The following ISM1 variants were observed in gnomAD, a reference collection of about 807,000 sequenced individuals.
The protein encoded by ISM1 is isthmin-1.
ISM1 carries 25 observed loss-of-function variants against 46.3 expected under a neutral mutation model. The ratio of observed to expected loss-of-function variants is 0.54; its 90% confidence interval spans 0.39 to 0.75. ISM1 has a LOEUF of 0.75. ISM1 is among the 30% of genes least tolerant of loss of function. ISM1 has a pLI of 0.00. For synonymous variants in ISM1, 255 were observed against 256.7 expected (o/e 0.99, Z 0.06); for missense variants, 536 against 625.4 (o/e 0.86, Z 1.52).
chr20:13,253,764 GT>G (rs2039893157), intron 1 of ISM1, among the ~76,000 whole-genome samples: 2 of 151,756 alleles, frequency 1.3e-5, no homozygotes, highest in African/African-American at 4.8e-5. Flanking sequence ...ATCATTATCA[GT>G]TTTTCTGTGA....
chr20:13,299,055 G>A lies in ISM1; in HGVS notation c.991G>A (p.Ala331Thr), dbSNP rs1351708680. The A allele has an allele frequency of 3.7e-6, 6 of 1,613,838 alleles. No individual in the cohort carries two copies. Among genetic ancestry groups the A allele is most frequent in the East Asian group, 2.2e-5 (1 of 44,880 alleles). The change falls in exon 6 of 6, where the codon GCC becomes ACC. Residue 331 changes from alanine (A) to threonine (T), a missense_variant. Physicochemically the swap from Ala to Thr is moderately conservative, Grantham distance 58. This residue lies in a region of ISM1 where 169 missense variants were observed against 249.3 expected (regional missense o/e 0.68). Transcript: ENST00000262487. This position sits in a 1 kb window ranked among gnomAD's most constrained non-coding sequence, Gnocchi z 5.8. ...CCCCTGCTCCTACCCCACTGAGGTG[G>A]CCTACAGCACGGCCGACATCTTCGA... ...SCPCSYPTEV[A>T]YSTADIFDRI... is the part of the protein sequence containing the mutation.
the ISM1 span, among the ~76,000 whole-genome samples, chr20:13,319,628 A>G: frequency 6.6e-6 from 1 of 152,250 alleles, no homozygotes; most frequent in Non-Finnish European, 1.5e-5. Context: ...ACAAACAACA[A>G]AAAGGATTGG....
chr20:13,325,751 T>C, the ISM1 span, among the ~76,000 whole-genome samples: 1 of 152,240 alleles, frequency 6.6e-6, no homozygotes, highest in African/African-American at 2.4e-5. Flanking sequence ...TGAACCTGAT[T>C]TTTCTTACAT....
intron 1 of ISM1, among the ~76,000 whole-genome samples, chr20:13,260,472 T>G (rs942270905): frequency 1.3e-5 from 2 of 152,210 alleles, no homozygotes; most frequent in African/African-American, 2.4e-5. Flanking sequence ...GGTAGAAGGA[T>G]AGAGAGAAAG....
chr20:13,304,034 A>G (rs1038225872), downstream of ISM1, among the ~76,000 whole-genome samples: 22 of 152,220 alleles, frequency 1.4e-4, no homozygotes, highest in African/African-American at 4.8e-4. Flanking sequence ...TGGCTCTGCC[A>G]CCATCAAGGT....
At chr20:13,224,647 C>T (rs2039493061) in intron 1 of ISM1, among the ~76,000 whole-genome samples, 1 of 151,898 alleles carries the variant, frequency 6.6e-6, no homozygotes, top group South Asian at 2.1e-4. Context: ...CAGAAATATG[C>T]AATGGTGAGT....
chr20:13,221,805 T>G lies in ISM1; in HGVS notation c.29T>G (p.Leu10Arg). ...GTGCGCCTGGCGGCCGAGCTGCTGC[T>G]GCTGCTGGGGCTGCTGCTGCTCACG... MVRLAAELL[L>R]LLGLLLLTLH... Residue 10 changes from leucine to arginine, a missense_variant, in exon 1 of 6, where the codon CTG (leucine) becomes CGG (arginine). By Grantham distance (102) the Leu-to-Arg change is moderately radical. This residue lies in a region of ISM1 where 367 missense variants were observed against 376.1 expected (regional missense o/e 0.98). Coordinates refer to ENST00000262487, the MANE Select transcript of ISM1 (RefSeq NM_080826.2). The G allele has an allele frequency of 6.9e-7, 1 of 1,455,868 alleles. No individual in the cohort carries two copies. Among genetic ancestry groups the G allele is most frequent in the South Asian group, 1.3e-5 (1 of 75,040 alleles). 90.2% of individuals were successfully genotyped at this position (1,455,868 alleles called of 1,614,324 possible). A position where few individuals can be genotyped will look rare whatever the true frequency, so the allele number is the denominator to read the frequency against.
chr20:13,264,501 G>A (rs551594121), intron 1 of ISM1, among the ~76,000 whole-genome samples: 1 of 152,220 alleles, frequency 6.6e-6, no homozygotes, highest in East Asian at 1.9e-4. Context: ...TCCTCCTATT[G>A]TAGTGCTCAT....
At chr20:13,294,500 A>G (rs1230943546) in intron 5 of ISM1, among the ~76,000 whole-genome samples, 1 of 152,218 alleles carries the variant, frequency 6.6e-6, no homozygotes, top group Non-Finnish European at 1.5e-5. Context: ...GGCAGCATCT[A>G]GCTGCTTTGC....
intron 1 of ISM1, among the ~76,000 whole-genome samples, chr20:13,256,739 T>G (rs1177587965): frequency 6.6e-6 from 1 of 152,184 alleles, no homozygotes; most frequent in African/African-American, 2.4e-5. Flanking sequence ...ACACCCCTAG[T>G]AAGTATGAGC....
intron 1 of ISM1, among the ~76,000 whole-genome samples, chr20:13,240,393 C>T (rs1349846250): frequency 6.6e-6 from 1 of 152,162 alleles, no homozygotes; most frequent in Non-Finnish European, 1.5e-5. Context: ...AAAAGTGACA[C>T]TTGAGTCCTG....
chr20:13,247,842 G>T (rs1443316679), intron 1 of ISM1, among the ~76,000 whole-genome samples: 1 of 152,138 alleles, frequency 6.6e-6, no homozygotes, highest in Non-Finnish European at 1.5e-5. Context: ...GTAGGATCTT[G>T]GTTTCTCTTT....
At chr20:13,293,540 T>C (rs1238395888) in intron 5 of ISM1, among the ~76,000 whole-genome samples, 1 of 152,070 alleles carries the variant, frequency 6.6e-6, no homozygotes, top group African/African-American at 2.4e-5. Flanking sequence ...TGGGAGCTAA[T>C]TTGGTGAACA....
intron 3 of ISM1, among the ~76,000 whole-genome samples, chr20:13,284,931 G>C (rs1304635040): frequency 1.3e-5 from 2 of 152,216 alleles, no homozygotes; most frequent in African/African-American, 2.4e-5. Context: ...CAGCTGTCTA[G>C]AGAGTATATT....
intron 1 of ISM1, among the ~76,000 whole-genome samples, chr20:13,225,278 T>C (rs1209830848): frequency 6.6e-6 from 1 of 152,196 alleles, no homozygotes; most frequent in Non-Finnish European, 1.5e-5. Context: ...CTTCTTCATT[T>C]ATTTTCGTTA....
At chr20:13,278,375 G>A (rs1172055394) in intron 2 of ISM1, among the ~76,000 whole-genome samples, 1 of 152,184 alleles carries the variant, frequency 6.6e-6, no homozygotes, top group Admixed American at 6.5e-5. Flanking sequence ...TGGGGTGAGT[G>A]AAAATTGTAG....
intron 2 of ISM1, among the ~76,000 whole-genome samples, chr20:13,274,922 A>G (rs1234398903): frequency 6.6e-6 from 1 of 152,178 alleles, no homozygotes; most frequent in Non-Finnish European, 1.5e-5. Context: ...TTAAAACAAT[A>G]TAAGAGGTTG....
intron 1 of ISM1, among the ~76,000 whole-genome samples, chr20:13,222,186 G>A (rs2039458604): frequency 6.6e-6 from 1 of 152,138 alleles, no homozygotes; most frequent in Non-Finnish European, 1.5e-5. Context: ...TGGGGAGGTG[G>A]GAAGGAGCGA....
the ISM1 span, among the ~76,000 whole-genome samples, chr20:13,321,253 T>TAAAAAAAAAAAAAAA: frequency 1.7e-3 from 100 of 57,514 alleles, 7 homozygotes; most frequent in Non-Finnish European, 2.4e-3. Flanking sequence ...GTGCCCCACA[T>TAAAAAAAAAAAAAAA]AAAAAAAAAA....
Sources: gnomAD v4.1 joint callset for allele counts (sites outside exome capture counted in the v4.1 genomes callset) on GRCh38, gnomAD v4.1.1 for gene constraint, gnomAD v4.1.1 regional missense constraint, Gnocchi (gnomAD v3.1) non-coding constraint, MANE v1.5 for transcripts, NCBI Gene and HGNC (gene_info 2026-07-23, HGNC 2026-07-21) for gene names.